The following TRPM3 variants were observed in gnomAD, a reference collection of about 807,000 sequenced individuals.
TRPM3 encodes the protein transient receptor potential cation channel subfamily M member 3.
Under a neutral mutation model 181.2 loss-of-function variants are expected in TRPM3, and 77 were observed. The observed-to-expected ratio is 0.42, with a 90% confidence interval of 0.35 to 0.51. The LOEUF is 0.51. Ranked by LOEUF, TRPM3 falls within the 20% of genes least tolerant of loss-of-function variation. The pLI is 0.01. For missense variants in TRPM3, 1,759 were observed against 2,196.7 expected, an observed-to-expected ratio of 0.80 and a Z score of 3.98; for synonymous variants, 745 against 796.4, an observed-to-expected ratio of 0.94 and a Z score of 1.09.
intron 8 of TRPM3, among the ~76,000 whole-genome samples, chr9:70,690,947 T>C (rs2068359660): frequency 1.3e-5 from 2 of 152,198 alleles, no homozygotes; most frequent in South Asian, 4.1e-4. Flanking sequence ...CTGTCTTTGG[T>C]TGATAAAATT....
chr9:70,767,943 G>T (rs551642026), intron 7 of TRPM3, among the ~76,000 whole-genome samples: 176 of 152,228 alleles, frequency 1.2e-3, no homozygotes, highest in Non-Finnish European at 1.7e-3. Flanking sequence ...CTTGATTATT[G>T]TAACAAGTCA....
intron 1 of TRPM3, among the ~76,000 whole-genome samples, chr9:71,204,314 C>T (rs180780961): frequency 0.012 from 1,842 of 151,350 alleles, 18 homozygotes; most frequent in East Asian, 0.068. Flanking sequence ...ACCTACTCAT[C>T]TGACATAGGG....
At chr9:71,000,141 T>C (rs1405580070) in intron 1 of TRPM3, among the ~76,000 whole-genome samples, 1 of 152,180 alleles carries the variant, frequency 6.6e-6, no homozygotes, top group Non-Finnish European at 1.5e-5. Flanking sequence ...TCTTTCAGCA[T>C]AATGTATCCC....
intron 6 of TRPM3, among the ~76,000 whole-genome samples, chr9:70,811,471 G>A (rs1430187678): frequency 6.6e-6 from 1 of 152,152 alleles, no homozygotes; most frequent in Non-Finnish European, 1.5e-5. Context: ...CTTTGCTGGA[G>A]GAAGTATCAT....
intron 1 of TRPM3, among the ~76,000 whole-genome samples, chr9:71,058,391 A>G (rs970257487): frequency 6.6e-6 from 1 of 152,034 alleles, no homozygotes; most frequent in Non-Finnish European, 1.5e-5. Flanking sequence ...ACAGCTGCAC[A>G]GCTGCAGGAG....
intron 1 of TRPM3, among the ~76,000 whole-genome samples, chr9:71,330,754 G>A (rs1184855225): frequency 6.6e-6 from 1 of 151,790 alleles, no homozygotes. Flanking sequence ...GGCAGCAGCA[G>A]GGTAAGATCC....
intron 1 of TRPM3, among the ~76,000 whole-genome samples, chr9:71,305,685 G>GT (rs2087229255): frequency 6.6e-6 from 1 of 152,106 alleles, no homozygotes; most frequent in East Asian, 1.9e-4. Flanking sequence ...ATTTTAGTCT[G>GT]TAAGCAAAGA....
At chr9:70,874,267 C>T (rs2095837585) in intron 1 of TRPM3, among the ~76,000 whole-genome samples, 1 of 151,848 alleles carries the variant, frequency 6.6e-6, no homozygotes, top group Non-Finnish European at 1.5e-5. Flanking sequence ...GGCAATTAAT[C>T]ATTGCTTGGC....
At chr9:70,552,205 C>T (rs2046634697) in intron 24 of TRPM3, among the ~76,000 whole-genome samples, 1 of 152,092 alleles carries the variant, frequency 6.6e-6, no homozygotes, top group Non-Finnish European at 1.5e-5. Context: ...TGGGAGTCAC[C>T]AGTATTTAAT....
chr9:71,345,758 T>G (rs1337385291), intron 1 of TRPM3, among the ~76,000 whole-genome samples: 1 of 152,116 alleles, frequency 6.6e-6, no homozygotes, highest in Non-Finnish European at 1.5e-5. Flanking sequence ...ACAAAAGATG[T>G]GTACAGTTAT....
Position 70,683,428 on chromosome 9 carries a change from C to CTTTTTTTTTTTTTTTTTTTT in TRPM3, c.1273-1870_1273-1851dup, listed in dbSNP as rs575176948. 1.1e-3 allele frequency among the ~76,000 whole-genome samples: 63 copies of CTTTTTTTTTTTTTTTTTTTT among 57,468 alleles called. 11 individuals are homozygous for CTTTTTTTTTTTTTTTTTTTT. Among genetic ancestry groups the CTTTTTTTTTTTTTTTTTTTT allele is most frequent in the South Asian group, 1.7e-3 (2 of 1,198 alleles). The allele number at this position is 57,468 out of a possible 152,430, so 37.7% of individuals were successfully genotyped here. Reference sequence around the variant, plus strand: ...CCTTTTCTCTCTTTCTCTCTCTCTCCTTTTTTTTTTTTTTTTTTTTTTTTT... The same window carrying CTTTTTTTTTTTTTTTTTTTT: ...CCTTTTCTCTCTTTCTCTCTCTCTCCTTTTTTTTTTTTTTTTTTTTTTTTTTTTTTTTTTTTTTTTTTTTT... On this transcript the variant is annotated intron_variant, in intron 8 of 25. Coordinates refer to ENST00000677713, the MANE Select transcript of TRPM3 (RefSeq NM_001366145.2).
intron 22 of TRPM3, among the ~76,000 whole-genome samples, chr9:70,575,292 C>T (rs190410691): frequency 2.0e-4 from 30 of 152,170 alleles, no homozygotes; most frequent in African/African-American, 4.3e-4. Flanking sequence ...CTGGCTTCCC[C>T]GCTGGAAGAA....
intron 1 of TRPM3, among the ~76,000 whole-genome samples, chr9:71,287,968 C>T (rs1275048342): frequency 1.3e-5 from 2 of 152,052 alleles, no homozygotes; most frequent in African/African-American, 4.8e-5. Flanking sequence ...TGAGCCTGAA[C>T]TTAAACTTCT....
At chr9:70,879,921 C>T (rs956744441) in intron 1 of TRPM3, among the ~76,000 whole-genome samples, 4 of 152,148 alleles carry the variant, frequency 2.6e-5, no homozygotes, top group African/African-American at 7.2e-5. Flanking sequence ...GACACACACA[C>T]ATGCATGTGG....
In TRPM3 at chr9:70,784,159, C is replaced by T; in HGVS notation, c.1094G>A (p.Ser365Asn). 6.2e-7 allele frequency: 1 copy of T among 1,613,834 alleles called. No homozygotes were observed. The highest frequency in any genetic ancestry group is 8.5e-7 in the Non-Finnish European group (1 of 1,179,826). Residue 365 changes from serine to asparagine, a missense_variant, in exon 7 of 26, where the codon AGT (serine) becomes AAT (asparagine). By Grantham distance (46) the Ser-to-Asn change is conservative. Around this residue, in one of 8 missense-constraint regions of TRPM3, gnomAD observed 737 missense variants for 957.4 expected, o/e 0.77. Coordinates refer to ENST00000677713, the MANE Select transcript of TRPM3 (RefSeq NM_001366145.2). ...GGCCAGGATGTCCGATGCCCGTCCA[C>T]TCCCATCACAGACAACCACTGGCAC... ...PPVPVVVCDG[S>N]GRASDILAFG...
chr9:70,573,538 T>C (rs2053031917), intron 22 of TRPM3, among the ~76,000 whole-genome samples: 2 of 152,286 alleles, frequency 1.3e-5, no homozygotes, highest in Admixed American at 1.3e-4. Context: ...ACACACAGTC[T>C]GGGCTCTAAC....
At chr9:71,367,298 A>G (rs2092366367) in intron 1 of TRPM3, among the ~76,000 whole-genome samples, 1 of 152,182 alleles carries the variant, frequency 6.6e-6, no homozygotes, top group South Asian at 2.1e-4. Context: ...TGGGAAGTCT[A>G]TCATAATAAC....
chr9:70,548,692 A>G (rs1669226697), intron 25 of TRPM3, among the ~76,000 whole-genome samples: 1 of 152,250 alleles, frequency 6.6e-6, no homozygotes, highest in Admixed American at 6.5e-5. Flanking sequence ...GTTCTTCGGA[A>G]CAGTGGTTCC....
chr9:71,252,713 C>G (rs934513080), intron 1 of TRPM3, among the ~76,000 whole-genome samples: 2 of 152,028 alleles, frequency 1.3e-5, no homozygotes, highest in Admixed American at 6.6e-5. Context: ...ATTCTGTCAC[C>G]TAGGCTGGAG....
Sources: allele counts gnomAD v4.1 joint callset (sites outside exome capture counted in the v4.1 genomes callset), GRCh38; gene constraint gnomAD v4.1.1; regional missense constraint gnomAD v4.1.1; transcripts MANE v1.5; gene names NCBI Gene and HGNC (gene_info 2026-07-23, HGNC 2026-07-21).